The following HLCS variants were observed in gnomAD, a reference collection of about 807,000 sequenced individuals.
The protein encoded by HLCS is biotin--protein ligase.
A neutral mutation model predicts 75.0 loss-of-function variants in HLCS; 53 were observed. The observed-to-expected ratio is 0.71, with a 90% confidence interval of 0.57 to 0.89. The LOEUF (loss-of-function observed/expected upper bound fraction) is 0.89. HLCS is among the 40% of genes least tolerant of loss of function. HLCS has a pLI of 0.00. For missense variants in HLCS, 966 were observed against 1,074.0 expected (o/e 0.90, Z 1.41); for synonymous variants, 431 against 428.6 (o/e 1.01, Z -0.07).
At chr21:36,868,627 A>T (rs1228503296) in intron 6 of HLCS, among the ~76,000 whole-genome samples, 1 of 152,166 alleles carries the variant, frequency 6.6e-6, no homozygotes, top group African/African-American at 2.4e-5. Context: ...ATAAAATATA[A>T]AGAAAATGAT....
At chr21:36,804,412 T>C (rs575609834) in intron 6 of HLCS, 1 of 152,350 alleles carries the variant, frequency 6.6e-6, no homozygotes, top group South Asian at 2.1e-4. Context: ...CAGAAGCCGC[T>C]GGGTTCCTCC....
intron 5 of HLCS, among the ~76,000 whole-genome samples, chr21:36,917,765 T>G (rs1248298865): frequency 6.6e-6 from 1 of 152,016 alleles, no homozygotes; most frequent in Non-Finnish European, 1.5e-5. Flanking sequence ...GTGGCCAGTT[T>G]AGTAAAAAGT....
At chr21:36,919,006 T>A (rs2835533) in intron 5 of HLCS, among the ~76,000 whole-genome samples, 28,709 of 152,260 alleles carry the variant, frequency 0.19, 2,895 homozygotes, top group Middle Eastern at 0.29. Flanking sequence ...TGTTTCATTT[T>A]AGGTATGACG....
intron 7 of HLCS, 61 bp from the exon 8 acceptor site, chr21:36,765,233 C>CATG: frequency 6.6e-7 from 1 of 1,510,436 alleles, no homozygotes; most frequent in Non-Finnish European, 9.2e-7. Context: ...CGCAGACACA[C>CATG]GTCATGCCAG....
In HLCS at chr21:36,812,516, T is replaced by A. The variant is rs146586132; in HGVS notation, c.1893-45231A>T. On this transcript the variant is annotated intron_variant, in intron 6 of 10. Coordinates refer to ENST00000674895, the MANE Select transcript of HLCS (RefSeq NM_001352514.2). Reference sequence around the variant, plus strand: ...TTAGTTTTAAAAATAAGTTTGAAAATCATTTTTATGAGTCTTTGTAAGCTC... The same window carrying A: ...TTAGTTTTAAAAATAAGTTTGAAAAACATTTTTATGAGTCTTTGTAAGCTC... 2.0e-5 allele frequency among the ~76,000 whole-genome samples: 3 copies of A among 152,326 alleles called. No individual in the cohort carries two copies. In the East Asian group the frequency reaches 5.8e-4, roughly 29 times the overall value.
chr21:36,825,760 G>A (rs929887929), intron 6 of HLCS, among the ~76,000 whole-genome samples: 1 of 152,130 alleles, frequency 6.6e-6, no homozygotes, highest in Admixed American at 6.5e-5. Flanking sequence ...CATGACTCTG[G>A]GGATACAGCT....
intron 2 of HLCS, chr21:36,948,009 G>A (rs556538580): frequency 6.1e-6 from 6 of 985,110 alleles, no homozygotes; most frequent in Non-Finnish European, 7.2e-6. Context: ...TGAAAATACA[G>A]GGCCAGGCGC....
At chr21:36,909,396 C>T (rs2065605149) in intron 5 of HLCS, among the ~76,000 whole-genome samples, 1 of 152,150 alleles carries the variant, frequency 6.6e-6, no homozygotes, top group Non-Finnish European at 1.5e-5. Flanking sequence ...TTAAACAATA[C>T]TAAGGCCCAG....
intron 5 of HLCS, among the ~76,000 whole-genome samples, chr21:36,910,205 T>C (rs2065639095): frequency 6.6e-6 from 1 of 152,228 alleles, no homozygotes; most frequent in African/African-American, 2.4e-5. Flanking sequence ...GTGTCTTCAC[T>C]CACAGGACAA....
rs2064092952 is a variant in HLCS at position 36,878,954 on chromosome 21, T to A, written c.1892+17906A>T. On this transcript the variant is annotated intron_variant, in intron 6 of 10. Coordinates refer to ENST00000674895, the MANE Select transcript of HLCS (RefSeq NM_001352514.2). ...GTCCAAGCATTTAAACTCTCTAAGC[T>A]ATAGCTTCCCCCTTATCTCTTTAAA... Among the ~76,000 whole-genome samples the A allele has an allele frequency of 2.0e-5, 3 of 150,442 alleles. No homozygotes were observed. The Admixed American group carries it at 2.0e-4, about 10-fold the overall frequency.
At chr21:36,773,507 G>T (rs2060268816) in intron 6 of HLCS, among the ~76,000 whole-genome samples, 1 of 152,242 alleles carries the variant, frequency 6.6e-6, no homozygotes, top group Non-Finnish European at 1.5e-5. Flanking sequence ...CAGCAGTCTG[G>T]CATGGGGTGG....
intron 6 of HLCS, among the ~76,000 whole-genome samples, chr21:36,873,408 AC>A (rs1327361414): frequency 2.6e-5 from 4 of 152,136 alleles, no homozygotes; most frequent in Admixed American, 6.5e-5. Context: ...GAGCCACCAC[AC>A]CCAGCCATTG....
At chr21:36,918,087 A>C (rs1174772728) in intron 5 of HLCS, among the ~76,000 whole-genome samples, 1 of 152,218 alleles carries the variant, frequency 6.6e-6, no homozygotes, top group Non-Finnish European at 1.5e-5. Context: ...CTTGCATAGA[A>C]AGCCTTTAAA....
At chr21:36,896,512 T>C (rs1291863070) in intron 6 of HLCS, 1 of 356,006 alleles carries the variant, frequency 2.8e-6, no homozygotes, top group South Asian at 2.6e-5. Flanking sequence ...CTAACACTGA[T>C]TGTAACTGCA....
intron 6 of HLCS, among the ~76,000 whole-genome samples, chr21:36,849,350 A>C (rs1488253251): frequency 6.6e-6 from 1 of 152,248 alleles, no homozygotes; most frequent in Non-Finnish European, 1.5e-5. Flanking sequence ...TACTTGCATC[A>C]AAAGGTAAAA....
intron 1 of HLCS, among the ~76,000 whole-genome samples, chr21:36,962,563 A>G (rs727961): frequency 0.61 from 92,555 of 151,694 alleles, 28,525 homozygotes; most frequent in East Asian, 0.75. Context: ...CAAGGTGGGC[A>G]GATCGCTTGA....
chr21:36,913,659 G>A (rs988691648), intron 5 of HLCS, among the ~76,000 whole-genome samples: 4 of 152,168 alleles, frequency 2.6e-5, no homozygotes, highest in Admixed American at 6.5e-5. Flanking sequence ...TACTTGGGAA[G>A]CTGAGGCAGA....
chr21:36,809,816 G>A (rs550835704), intron 6 of HLCS, among the ~76,000 whole-genome samples: 4 of 152,302 alleles, frequency 2.6e-5, no homozygotes, highest in African/African-American at 9.6e-5. Context: ...ATGGCTCACT[G>A]CAGCCATGAC....
chr21:36,821,645 C>T (rs1312516470), intron 6 of HLCS, among the ~76,000 whole-genome samples: 1 of 152,212 alleles, frequency 6.6e-6, no homozygotes, highest in East Asian at 1.9e-4. Context: ...CACATCGTTA[C>T]CGCTTAGGAA....
Sources: gnomAD v4.1 joint callset for allele counts (sites outside exome capture counted in the v4.1 genomes callset) on GRCh38, gnomAD v4.1.1 for gene constraint, MANE v1.5 for transcripts, NCBI Gene and HGNC (gene_info 2026-07-23, HGNC 2026-07-21) for gene names.